The following MALRD1 variants were observed in gnomAD, a reference collection of about 807,000 sequenced individuals.
MALRD1 encodes MAM and LDL receptor class A domain containing 1.
A neutral mutation model predicts 242.1 loss-of-function variants in MALRD1; 247 were observed. That is an observed-to-expected ratio of 1.02 (90% CI 0.92 to 1.13). MALRD1 has a LOEUF of 1.13. MALRD1 is among the 50% of genes most tolerant of loss of function. The pLI is 0.00. For missense variants in MALRD1, 2,989 were observed against 2,533.1 expected (o/e 1.18, Z -3.86); for synonymous variants, 995 against 866.6 (o/e 1.15, Z -2.60).
intron 32 of MALRD1, among the ~76,000 whole-genome samples, chr10:19,566,608 A>G (rs1836268661): frequency 6.6e-6 from 1 of 151,190 alleles, no homozygotes; most frequent in Non-Finnish European, 1.5e-5. Context: ...CCCATGTGAA[A>G]AAAAGGGTTG....
At chr10:19,593,952 G>T (rs529073230) in intron 33 of MALRD1, among the ~76,000 whole-genome samples, 1 of 152,274 alleles carries the variant, frequency 6.6e-6, no homozygotes, top group African/African-American at 2.4e-5. Context: ...GACAGCACAT[G>T]GCCTTTGACC....
intron 38 of MALRD1, among the ~76,000 whole-genome samples, chr10:19,703,795 T>G (rs930040304): frequency 2.6e-5 from 4 of 152,180 alleles, no homozygotes; most frequent in African/African-American, 9.7e-5. Context: ...CTCAGAGGGC[T>G]GAGGCAGGAG....
chr10:19,233,468 C>T (rs950004163), intron 18 of MALRD1, among the ~76,000 whole-genome samples: 8 of 152,118 alleles, frequency 5.3e-5, no homozygotes, highest in Non-Finnish European at 1.2e-4. Context: ...TGCCATTGTA[C>T]TCCAGCCTGA....
intron 14 of MALRD1, among the ~76,000 whole-genome samples, chr10:19,203,389 G>T (rs913297498): frequency 6.6e-6 from 1 of 152,108 alleles, no homozygotes; most frequent in Non-Finnish European, 1.5e-5. Flanking sequence ...CCCAGCTGAT[G>T]TAACAGTAGC....
At chr10:19,733,870 C>T (rs1367661944) in intron 39 of MALRD1, among the ~76,000 whole-genome samples, 2 of 151,996 alleles carry the variant, frequency 1.3e-5, no homozygotes, top group Non-Finnish European at 2.9e-5. Context: ...GAAACCAGCA[C>T]CAGAGAAAGC....
chr10:19,509,942 A>G (rs115636897), intron 31 of MALRD1, among the ~76,000 whole-genome samples: 5,698 of 152,134 alleles, frequency 0.037, 194 homozygotes, highest in East Asian at 0.11. Context: ...CTCAGCATAC[A>G]GAGGATCCGC....
At chr10:19,559,022 A>C (rs919448000) in intron 32 of MALRD1, among the ~76,000 whole-genome samples, 6 of 151,884 alleles carry the variant, frequency 4.0e-5, no homozygotes, top group Non-Finnish European at 1.5e-5. Context: ...GTCTCTACTA[A>C]AAACGCAAAA....
At chr10:19,321,759 C>T (rs942514066) in intron 21 of MALRD1, among the ~76,000 whole-genome samples, 1 of 152,060 alleles carries the variant, frequency 6.6e-6, no homozygotes, top group Non-Finnish European at 1.5e-5. Flanking sequence ...ACCCATTAAT[C>T]AACTTCACTT....
intron 28 of MALRD1, among the ~76,000 whole-genome samples, chr10:19,409,773 A>G (rs1021209738): frequency 3.3e-5 from 5 of 152,280 alleles, no homozygotes; most frequent in Admixed American, 2.0e-4. Context: ...AATAAAAATA[A>G]TTATGTTAAA....
At chr10:19,485,659 AT>A (rs1421291732) in intron 29 of MALRD1, among the ~76,000 whole-genome samples, 1 of 151,080 alleles carries the variant, frequency 6.6e-6, no homozygotes, top group African/African-American at 2.4e-5. Context: ...AAAAAAAAAA[AT>A]AGTAATAATA....
At chr10:19,441,279 A>G (rs190049925) in intron 28 of MALRD1, among the ~76,000 whole-genome samples, 30 of 152,256 alleles carry the variant, frequency 2.0e-4, no homozygotes, top group South Asian at 1.5e-3. Context: ...ATTTTCTCCC[A>G]TTCTGTAGAT....
At chr10:19,449,448 T>C (rs543743724) in intron 28 of MALRD1, among the ~76,000 whole-genome samples, 2 of 152,366 alleles carry the variant, frequency 1.3e-5, no homozygotes, top group African/African-American at 2.4e-5. Context: ...ATGGTGTCTC[T>C]AAAAATTCCA....
chr10:19,096,145 C>A (rs1314882190), intron 4 of MALRD1, among the ~76,000 whole-genome samples: 1 of 152,154 alleles, frequency 6.6e-6, no homozygotes, highest in Non-Finnish European at 1.5e-5. Flanking sequence ...AGAGCTGGAA[C>A]TTGCTATATC....
At chr10:19,694,606 C>G (rs1204962076) in intron 38 of MALRD1, among the ~76,000 whole-genome samples, 6 of 152,134 alleles carry the variant, frequency 3.9e-5, no homozygotes, top group Non-Finnish European at 5.9e-5. Context: ...GAAATAGGAA[C>G]AGTTTTACAC....
chr10:19,101,016 TTAA>T (rs1284231855), intron 4 of MALRD1, among the ~76,000 whole-genome samples: 2 of 152,030 alleles, frequency 1.3e-5, no homozygotes, highest in Non-Finnish European at 2.9e-5. Flanking sequence ...CTTAAATATT[TTAA>T]TAACTATGTT....
intron 31 of MALRD1, among the ~76,000 whole-genome samples, chr10:19,514,267 T>G (rs951586162): frequency 6.6e-6 from 1 of 152,216 alleles, no homozygotes; most frequent in African/African-American, 2.4e-5. Context: ...ATCAGTTTCC[T>G]TGGAATTTTA....
chr10:19,257,659 T>C (rs1839575835), intron 18 of MALRD1, 25 bp from the exon 19 acceptor site: 1 of 1,465,674 alleles, frequency 6.8e-7, no homozygotes, highest in Non-Finnish European at 9.3e-7. Flanking sequence ...ATTTCTTATT[T>C]TTATTTTTTA....
intron 38 of MALRD1, among the ~76,000 whole-genome samples, chr10:19,693,646 C>CAT (rs1833215778): frequency 6.6e-6 from 1 of 152,114 alleles, no homozygotes; most frequent in Non-Finnish European, 1.5e-5. Flanking sequence ...AATGGCCATG[C>CAT]TGCCCAAGGT....
At chr10:19,299,576 A>G (rs1244648990) in intron 21 of MALRD1, among the ~76,000 whole-genome samples, 1 of 148,544 alleles carries the variant, frequency 6.7e-6, no homozygotes, top group Admixed American at 6.7e-5. Flanking sequence ...ACACAAATCA[A>G]TAAATGTGAT....
Sources: allele counts gnomAD v4.1 joint callset (sites outside exome capture counted in the v4.1 genomes callset), GRCh38; gene constraint gnomAD v4.1.1; transcripts MANE v1.5; gene names NCBI Gene and HGNC (gene_info 2026-07-23, HGNC 2026-07-21).